CBX2: variants seen among roughly 807,000 people sequenced by gnomAD.
CBX2 encodes the protein chromobox protein homolog 2.
In CBX2, 11 loss-of-function variants were observed where a neutral mutation model predicts 21.0. The observed-to-expected ratio is 0.52, with a 90% CI of 0.33 to 0.87. The LOEUF (loss-of-function observed/expected upper bound fraction) is 0.87. Among genes scored for constraint, CBX2 ranks in the 40% least tolerant of loss-of-function variants. CBX2 has a pLI of 0.02. For missense variants in CBX2, 746 were observed against 724.3 expected (o/e 1.03, Z -0.34); for synonymous variants, 364 against 304.6 (o/e 1.19, Z -2.03).
chr17:79,777,810 G>A (rs1184708599), upstream of CBX2, among the ~76,000 whole-genome samples: 4 of 151,618 alleles, frequency 2.6e-5, no homozygotes, highest in Non-Finnish European at 5.9e-5. Flanking sequence ...CCGGAAAACG[G>A]AGTTGGGAGC....
upstream of CBX2, among the ~76,000 whole-genome samples, chr17:79,777,407 C>A (rs547940785): frequency 2.6e-4 from 39 of 152,248 alleles, no homozygotes; most frequent in Admixed American, 7.2e-4. Flanking sequence ...TTTCTCCCTA[C>A]ACGTGCCCTA....
chr17:79,782,067 G>C, intron 4 of CBX2: 5 of 1,613,824 alleles, frequency 3.1e-6, no homozygotes, highest in Non-Finnish European at 4.2e-6. Flanking sequence ...TGGGTGGCAG[G>C]GTCAAACTGC....
At chr17:79,782,337 C>T (rs782787049) in intron 4 of CBX2, 1 of 1,474,292 alleles carries the variant, frequency 6.8e-7, no homozygotes, top group Admixed American at 2.2e-5. Context: ...GTGCTTTGGC[C>T]TTCTCGGGAC....
rs1555829347 is a variant in CBX2 at position 79,778,250 on chromosome 17, C to T, written c.15C>T (p.Ser5=). The T allele has an allele frequency of 1.3e-6, 2 of 1,505,952 alleles. No homozygotes were observed. The highest frequency in any genetic ancestry group is 8.8e-7 in the Non-Finnish European group (1 of 1,132,118). 93.3% of individuals were successfully genotyped at this position (1,505,952 alleles called of 1,614,324 possible). MEEL[S]SVGEQVFAAE... ...TGCCGGGCAGCATGGAGGAGCTGAG[C>T]AGCGTGGGCGAGCAGGTCTTCGCCG... The change falls in exon 1 of 5, where the codon AGC becomes AGT. Residue 5 remains serine (S), a synonymous_variant. Transcript: ENST00000310942. The surrounding 1 kb of genome is among the most constrained non-coding windows in gnomAD (Gnocchi z 4.8).
rs1268663113 is a variant in CBX2 at position 79,778,165 on chromosome 17, C to G, written c.-71C>G. On this transcript the variant is annotated 5_prime_UTR_variant, in exon 1 of 5. Transcript: ENST00000310942. This position sits in a 1 kb window ranked among gnomAD's most constrained non-coding sequence, Gnocchi z 4.8. ...GCGGGGGCGGTGCTTTGTGTGCTGCCGGCGGGGCGCGCGGCGGTCCGGGCG... is the reference window on the plus strand; with the variant it reads ...GCGGGGGCGGTGCTTTGTGTGCTGCGGGCGGGGCGCGCGGCGGTCCGGGCG... The G allele has an allele frequency of 1.4e-5, 13 of 916,074 alleles. No individual in the cohort carries two copies. Among genetic ancestry groups the G allele is most frequent in the East Asian group, 4.6e-5 (1 of 21,786 alleles). 56.7% of individuals were successfully genotyped at this position (916,074 alleles called of 1,614,324 possible).
intron 3 of CBX2, among the ~76,000 whole-genome samples, chr17:79,780,592 C>T (rs781836648): frequency 7.2e-5 from 11 of 152,134 alleles, no homozygotes; most frequent in Non-Finnish European, 1.5e-4. Flanking sequence ...AGAGCAGAAA[C>T]ACCTGAGATA....
intron 4 of CBX2, 197 bp downstream of exon 4, chr17:79,781,998 G>A (rs782765736): frequency 6.2e-7 from 1 of 1,614,084 alleles, no homozygotes; most frequent in Non-Finnish European, 8.5e-7. Context: ...CCGGCTGAGA[G>A]TTCCTCCCCG....
rs782717786 is a variant in CBX2 at position 79,784,863 on chromosome 17, G to C, written c.1420G>C (p.Ala474Pro). The change falls in exon 5 of 5, where the codon GCC (alanine) becomes CCC (proline). Residue 474 changes from alanine to proline, a missense_variant. By Grantham distance (27) the Ala-to-Pro change is conservative. Coordinates refer to ENST00000310942, the MANE Select transcript of CBX2 (RefSeq NM_005189.3). The surrounding 1 kb of genome is among the most constrained non-coding windows in gnomAD (Gnocchi z 5.9). ...SSSSDSDPDS[A>P]SPPSTGQNPS... ...CAGCTCGGACTCCGACCCCGACTCCGCCTCGCCGCCCAGCACTGGACAGAA... is the reference window on the plus strand; with the variant it reads ...CAGCTCGGACTCCGACCCCGACTCCCCCTCGCCGCCCAGCACTGGACAGAA... 1 of 1,613,062 alleles carries C rather than the reference G, an allele frequency of 6.2e-7. No individual in the cohort carries two copies. Among genetic ancestry groups the C allele is most frequent in the East Asian group, 2.2e-5 (1 of 44,874 alleles).
intron 3 of CBX2, among the ~76,000 whole-genome samples, chr17:79,781,209 C>T (rs782336497): frequency 6.6e-6 from 1 of 152,216 alleles, no homozygotes; most frequent in Non-Finnish European, 1.5e-5. Context: ...CAGCCAGGCT[C>T]TGCGAGGGCT....
intron 4 of CBX2, chr17:79,782,189 T>C: frequency 1.2e-6 from 2 of 1,611,968 alleles, no homozygotes; most frequent in Non-Finnish European, 8.5e-7. Flanking sequence ...CTCAAAAGCC[T>C]AAGATTTGGG....
In CBX2 at chr17:79,784,065, G is replaced by T. The variant is rs61738483; in HGVS notation, c.622G>T (p.Val208Phe). Residue 208 changes from valine to phenylalanine, a missense_variant, in exon 5 of 5, where the codon GTT (valine) becomes TTT (phenylalanine). Physicochemically the swap from Val to Phe is conservative, Grantham distance 50. Around this residue, in one of 2 missense-constraint regions of CBX2, gnomAD observed 701 missense variants for 650.7 expected, o/e 1.08. Transcript: ENST00000310942. This position sits in a 1 kb window ranked among gnomAD's most constrained non-coding sequence, Gnocchi z 5.9. ...GCTGCCCCCTCCACTCAGCGCCCCC[G>T]TTGCAGGCCTGGCAGCTCTGAAGGC... Reference protein sequence around the residue: ...SKLPPPLSAPVAGLAALKAHA... With the variant: ...SKLPPPLSAPFAGLAALKAHA... 5.0e-5 allele frequency: 81 copies of T among 1,612,404 alleles called. No homozygotes were observed. The highest frequency in any genetic ancestry group is 6.8e-5 in the Non-Finnish European group (80 of 1,179,786).
upstream of CBX2, among the ~76,000 whole-genome samples, chr17:79,777,615 C>T (rs1343705399): frequency 2.0e-5 from 3 of 152,200 alleles, no homozygotes; most frequent in East Asian, 5.8e-4. Context: ...CAGCCCCCGA[C>T]CCGTTTTGCT....
chr17:79,783,842 T>A lies in CBX2; in HGVS notation c.399T>A (p.Gly133=). The part of the protein sequence containing the change: ...EDDSDLDAKR[G]PRGRETHPVP... ...ACAGTGACTTAGATGCTAAGAGGGG[T>A]CCCCGGGGCCGCGAGACCCACCCAG... The change falls in exon 5 of 5, where the codon GGT becomes GGA. Residue 133 remains glycine (G), a synonymous_variant. Transcript: ENST00000310942. 9 of 1,611,830 alleles carry A rather than the reference T, an allele frequency of 5.6e-6. No individual in the cohort carries two copies. The highest frequency in any genetic ancestry group is 7.6e-6 in the Non-Finnish European group (9 of 1,179,076).
Position 79,781,749 on chromosome 17 carries a change from G to A in CBX2, c.236G>A (p.Arg79Gln), listed in dbSNP as rs782050248. The A allele has an allele frequency of 3.1e-6, 5 of 1,614,098 alleles. No individual in the cohort carries two copies. The highest frequency in any genetic ancestry group is 1.1e-5 in the South Asian group (1 of 91,088). The part of the protein sequence containing the change: ...NRKRGKRPRG[R>Q]PRKLTAMSSC... Reference sequence around the variant, plus strand: ...AAGAGAGGCAAGAGGCCGAGAGGCCGGCCAAGGAAGCTCACTGCCATGTCC... The same window carrying A: ...AAGAGAGGCAAGAGGCCGAGAGGCCAGCCAAGGAAGCTCACTGCCATGTCC... The change falls in exon 4 of 5, where the codon CGG (arginine) becomes CAG (glutamine). Residue 79 changes from arginine (R) to glutamine (Q), a missense_variant. Arg to Gln is a conservative substitution (Grantham distance 43). Coordinates refer to ENST00000310942, the MANE Select transcript of CBX2 (RefSeq NM_005189.3).
At chr17:79,782,494 G>A (rs562615140) in intron 4 of CBX2, 74 of 1,191,200 alleles carry the variant, frequency 6.2e-5, no homozygotes, top group Admixed American at 1.2e-4. Flanking sequence ...CCTCAGTCCC[G>A]GGTGTGGCTT....
rs1171587961 is a variant in CBX2 at position 79,778,554 on chromosome 17, C to T, written c.116+127C>T. 1.2e-5 allele frequency: 6 copies of T among 518,410 alleles called. No individual in the cohort carries two copies. The highest frequency in any genetic ancestry group is 3.8e-5 in the East Asian group (1 of 26,386). The allele number at this position is 518,410 out of a possible 1,614,324, so 32.1% of individuals were successfully genotyped here. On this transcript the variant is annotated intron_variant, in intron 2 of 4. Transcript: ENST00000310942. The surrounding 1 kb of genome is among the most constrained non-coding windows in gnomAD (Gnocchi z 4.8). ...GGGCAGAGCGGGAAGTTCGCGGGGT[C>T]CCCGCGGGCTCCTCCGGCTCTGAGG...
Position 79,784,798 on chromosome 17 carries a change from C to CG in CBX2, c.1357dup (p.Ala453GlyfsTer10). 6.2e-7 allele frequency: 1 copy of CG among 1,610,562 alleles called. No individual in the cohort carries two copies. On this transcript the variant is annotated frameshift_variant, in exon 5 of 5. Coordinates refer to ENST00000310942, the MANE Select transcript of CBX2 (RefSeq NM_005189.3). LOFTEE classifies it high-confidence loss of function. The surrounding 1 kb of genome is among the most constrained non-coding windows in gnomAD (Gnocchi z 5.9). ...ACAGCCCCCGGAGAAGCCCGCAAGGCGGCCACACTGCCAGAGATGAGCGCA... is the reference window on the plus strand; with the variant it reads ...ACAGCCCCCGGAGAAGCCCGCAAGGCGGGCCACACTGCCAGAGATGAGCGCA...
chr17:79,782,441 T>A, intron 4 of CBX2: 1 of 1,280,650 alleles, frequency 7.8e-7, no homozygotes, highest in Non-Finnish European at 1.0e-6. Flanking sequence ...CTCCCTCCCC[T>A]GAGGACAGGT....
chr17:79,785,229 A>AG lies in CBX2; in HGVS notation c.*192dup. On this transcript the variant is annotated 3_prime_UTR_variant, in exon 5 of 5. Transcript: ENST00000310942. ...CCCACTCTGTCCCAGGACATAGGGC[A>AG]GGGGGCCTCACTGCCTTGTTGGTCT... 3.2e-6 allele frequency: 2 copies of AG among 620,656 alleles called. No homozygotes were observed. Among genetic ancestry groups the AG allele is most frequent in the South Asian group, 3.7e-5 (2 of 53,420 alleles). The allele number at this position is 620,656 out of a possible 1,614,324, so 38.4% of individuals were successfully genotyped here. A position where few individuals can be genotyped will look rare whatever the true frequency, so the allele number is the denominator to read the frequency against.
Sources: gnomAD v4.1 joint callset for allele counts (sites outside exome capture counted in the v4.1 genomes callset) on GRCh38, gnomAD v4.1.1 for gene constraint, gnomAD v4.1.1 regional missense constraint, Gnocchi (gnomAD v3.1) non-coding constraint, MANE v1.5 for transcripts, NCBI Gene and HGNC (gene_info 2026-07-23, HGNC 2026-07-21) for gene names.